Variants in CACNA2D2 observed in about 807,000 individuals in gnomAD.
CACNA2D2 encodes calcium voltage-gated channel auxiliary subunit alpha2delta 2.
Under a neutral mutation model 166.4 loss-of-function variants are expected in CACNA2D2, and 48 were observed. The ratio of observed to expected loss-of-function variants is 0.29; its 90% CI spans 0.23 to 0.37. The LOEUF (loss-of-function observed/expected upper bound fraction) is 0.37, where lower values mean the gene tolerates loss of function less well. Among genes scored for constraint, CACNA2D2 ranks in the 10% least tolerant of loss-of-function variants. CACNA2D2 has a pLI of 1.00. For missense variants in CACNA2D2, 1,122 were observed against 1,433.0 expected (o/e 0.78, Z 3.50); for synonymous variants, 561 against 573.7 (o/e 0.98, Z 0.32).
chr3:50,445,203 G>A (rs1487585850), intron 2 of CACNA2D2, among the ~76,000 whole-genome samples: 6 of 152,190 alleles, frequency 3.9e-5, no homozygotes, highest in African/African-American at 1.4e-4. Flanking sequence ...CCTAAATCCT[G>A]CTGAACACAC....
intron 3 of CACNA2D2, among the ~76,000 whole-genome samples, chr3:50,416,472 C>G (rs1707267429): frequency 6.6e-6 from 1 of 152,216 alleles, no homozygotes; most frequent in Non-Finnish European, 1.5e-5. Context: ...GTTGTGAGCT[C>G]AGAGCTCCAC....
chr3:50,450,887 C>G (rs558430114), intron 2 of CACNA2D2, among the ~76,000 whole-genome samples: 2 of 152,280 alleles, frequency 1.3e-5, no homozygotes, highest in South Asian at 4.1e-4. Context: ...CCCAGGGGCT[C>G]TGACCCTGTG....
chr3:50,425,753 A>T (rs2106857416), intron 3 of CACNA2D2, among the ~76,000 whole-genome samples: 1 of 152,186 alleles, frequency 6.6e-6, no homozygotes, highest in Admixed American at 6.5e-5. Flanking sequence ...TCCTCCCTCT[A>T]CGCAGGCCTT....
intron 3 of CACNA2D2, among the ~76,000 whole-genome samples, chr3:50,425,167 CCA>C (rs1267024020): frequency 6.6e-6 from 1 of 152,158 alleles, no homozygotes; most frequent in Non-Finnish European, 1.5e-5. Flanking sequence ...TCTGTCACCC[CCA>C]CACACCCTCT....
intron 1 of CACNA2D2, among the ~76,000 whole-genome samples, chr3:50,489,409 T>C (rs2107150025): frequency 6.6e-6 from 1 of 152,340 alleles, no homozygotes; most frequent in South Asian, 2.1e-4. Flanking sequence ...CTAGGCTTAA[T>C]GGCCTTTGGG....
intron 2 of CACNA2D2, among the ~76,000 whole-genome samples, chr3:50,448,201 G>A (rs80064654): frequency 0.026 from 3,895 of 152,230 alleles, 170 homozygotes; most frequent in African/African-American, 0.088. Flanking sequence ...TTAGGCCTGG[G>A]TATGTTCTGC....
At chr3:50,499,846 G>T (rs1430251106) in intron 1 of CACNA2D2, among the ~76,000 whole-genome samples, 1 of 152,170 alleles carries the variant, frequency 6.6e-6, no homozygotes, top group East Asian at 1.9e-4. Flanking sequence ...CCAAAAGGAG[G>T]TGCCTGATAA....
chr3:50,431,360 G>A (rs1046499087), intron 3 of CACNA2D2, among the ~76,000 whole-genome samples: 10 of 152,180 alleles, frequency 6.6e-5, no homozygotes, highest in African/African-American at 2.4e-4. Flanking sequence ...GAAGCATCTC[G>A]TGTGTCTACA....
Position 50,493,243 on chromosome 3 carries a change from T to C in CACNA2D2, c.206+9975A>G, listed in dbSNP as rs151257915. On this transcript the variant is annotated intron_variant, in intron 1 of 37. Coordinates refer to ENST00000424201, the MANE Select transcript of CACNA2D2 (RefSeq NM_006030.4). ...CCTCCAGCCCAAGGTGACCCCATCC[T>C]CGGCTCAAGGGTAAATCCTGATTAG... Among the ~76,000 whole-genome samples, 256 of 152,304 alleles carry C rather than the reference T, an allele frequency of 1.7e-3. 1 individual carries two copies. The highest frequency in any genetic ancestry group is 5.7e-3 in the African/African-American group (239 of 41,566).
At chr3:50,473,090 C>G (rs1281078244) in intron 2 of CACNA2D2, among the ~76,000 whole-genome samples, 1 of 152,106 alleles carries the variant, frequency 6.6e-6, no homozygotes, top group Non-Finnish European at 1.5e-5. Context: ...GGGGACAATA[C>G]GTAAGCACCA....
chr3:50,458,126 T>C (rs1000834868), intron 2 of CACNA2D2, among the ~76,000 whole-genome samples: 4 of 152,262 alleles, frequency 2.6e-5, no homozygotes, highest in Admixed American at 1.3e-4. Flanking sequence ...GCTGGCCCGC[T>C]GTCAGCCAAG....
chr3:50,378,988 G>A lies in CACNA2D2; in HGVS notation c.1266C>T (p.Arg422=), dbSNP rs201386438. The change falls in exon 13 of 38, where the codon CGC becomes CGT. Residue 422 remains arginine, a synonymous_variant. Transcript: ENST00000424201. The part of the protein sequence containing the change: ...EKYNWPNRTV[R]VFTFSVGQHN... ...GCTGCCCCACGGAGAAAGTAAACAC[G>A]CGCACCTGTGGGGGGTTTGAGGTTA... The A allele has an allele frequency of 6.2e-6, 10 of 1,613,936 alleles. No homozygotes were observed. In the East Asian group the frequency reaches 6.7e-5, roughly 11 times the overall value.
At chr3:50,488,033 AGGATGCATG>A (rs894787528) in intron 1 of CACNA2D2, among the ~76,000 whole-genome samples, 70 of 152,302 alleles carry the variant, frequency 4.6e-4, no homozygotes, top group East Asian at 1.4e-3. Flanking sequence ...CCTTGGGGAC[AGGATGCATG>A]GGATGCATGG....
Position 50,378,117 on chromosome 3 carries a change from G to A in CACNA2D2, c.1390-20C>T. On this transcript the variant is annotated intron_variant, in intron 14 of 37. Transcript: ENST00000424201. Reference sequence around the variant, plus strand: ...ATATTCCTGGGGAGGGGGCAGTGGTGGGGGTAATGAGTGCCTTTCCCAGGC... The same window carrying A: ...ATATTCCTGGGGAGGGGGCAGTGGTAGGGGTAATGAGTGCCTTTCCCAGGC... The A allele has an allele frequency of 3.1e-6, 5 of 1,608,710 alleles. No individual in the cohort carries two copies. The highest frequency in any genetic ancestry group is 4.3e-6 in the Non-Finnish European group (5 of 1,176,124).
Position 50,430,617 on chromosome 3 carries a change from G to A in CACNA2D2, c.405+3696C>T, listed in dbSNP as rs140892564. On this transcript the variant is annotated intron_variant, in intron 3 of 37. Transcript: ENST00000424201. ...GGCATGGTAAACAGTAGCCATTGGCGGATGTTGGTGAACAGATGGAGGAGG... is the reference window on the plus strand; with the variant it reads ...GGCATGGTAAACAGTAGCCATTGGCAGATGTTGGTGAACAGATGGAGGAGG... Among the ~76,000 whole-genome samples, 41 of 152,352 alleles carry A rather than the reference G, an allele frequency of 2.7e-4. No homozygotes were observed. In the East Asian group the frequency reaches 7.1e-3, roughly 27 times the overall value.
At position 50,375,674 on chromosome 3, in the gene CACNA2D2, G is replaced by A. The variant is rs772309641; in HGVS notation, c.1877C>T (p.Thr626Ile). The change falls in exon 21 of 38, where the codon ACC becomes ATC. Residue 626 changes from threonine to isoleucine, a missense_variant. Coordinates refer to ENST00000424201, the MANE Select transcript of CACNA2D2 (RefSeq NM_006030.4). This position sits in a 1 kb window ranked among gnomAD's most constrained non-coding sequence, Gnocchi z 4.0. Reference sequence around the variant, plus strand: ...GTTAGTGCTCCTTATAGGCACCCAGGTGTAGTTCCGTGTCACCTCATCTAT... The same window carrying A: ...GTTAGTGCTCCTTATAGGCACCCAGATGTAGTTCCGTGTCACCTCATCTAT... ...RYIDEVTRNY[T>I]WVPIRSTNYS... 1.9e-6 allele frequency: 3 copies of A among 1,613,218 alleles called. No individual in the cohort carries two copies. The highest frequency in any genetic ancestry group is 2.2e-5 in the East Asian group (1 of 44,886).
At chr3:50,462,908 G>A (rs189500365) in intron 2 of CACNA2D2, among the ~76,000 whole-genome samples, 2 of 152,030 alleles carry the variant, frequency 1.3e-5, no homozygotes, top group East Asian at 1.9e-4. Flanking sequence ...AAAGAGAGAG[G>A]GAGGCTGGGA....
chr3:50,433,095 A>G (rs1708147709), intron 3 of CACNA2D2, among the ~76,000 whole-genome samples: 1 of 152,236 alleles, frequency 6.6e-6, no homozygotes, highest in Non-Finnish European at 1.5e-5. Flanking sequence ...AACCATCACC[A>G]CAATCTAATT....
Position 50,380,152 on chromosome 3 carries a change from G to A in CACNA2D2, c.843-134C>T, listed in dbSNP as rs1254435378. 14 of 813,484 alleles carry A rather than the reference G, an allele frequency of 1.7e-5. No homozygotes were observed. Among genetic ancestry groups the A allele is most frequent in the East Asian group, 7.9e-5 (3 of 37,748 alleles). 50.4% of individuals were successfully genotyped at this position (813,484 alleles called of 1,614,324 possible). ...TGGGCCAGGCAGGGTTCTATGCACCGATGATACCACATTTAACGAAACAGA... is the reference window on the plus strand; with the variant it reads ...TGGGCCAGGCAGGGTTCTATGCACCAATGATACCACATTTAACGAAACAGA... On this transcript the variant is annotated intron_variant, in intron 8 of 37. Transcript: ENST00000424201. This position sits in a 1 kb window ranked among gnomAD's most constrained non-coding sequence, Gnocchi z 4.9.
Sources: gnomAD v4.1 joint callset for allele counts (sites outside exome capture counted in the v4.1 genomes callset) on GRCh38, gnomAD v4.1.1 for gene constraint, Gnocchi (gnomAD v3.1) non-coding constraint, MANE v1.5 for transcripts, NCBI Gene and HGNC (gene_info 2026-07-23, HGNC 2026-07-21) for gene names.